The following YEATS2 variants were observed in gnomAD, a reference collection of about 807,000 sequenced individuals.
YEATS2 encodes the protein YEATS domain containing 2.
YEATS2 carries 77 observed loss-of-function variants against 163.2 expected under a neutral mutation model. That is an observed-to-expected ratio of 0.47 (90% confidence interval 0.39 to 0.57). YEATS2 has a LOEUF of 0.57. Ranked by LOEUF, YEATS2 falls within the 20% of genes least tolerant of loss-of-function variation. YEATS2 has a pLI of 0.00. For synonymous variants in YEATS2, 631 were observed against 645.1 expected, an observed-to-expected ratio of 0.98 and a Z score of 0.33; for missense variants, 1,549 against 1,729.8, an observed-to-expected ratio of 0.90 and a Z score of 1.85.
chr3:183,786,082 A>C lies in YEATS2; in HGVS notation c.2737-43A>C, dbSNP rs377738049. The C allele has an allele frequency of 9.2e-5, 147 of 1,594,250 alleles. No homozygotes were observed. In the African/African-American group the frequency reaches 1.8e-3, roughly 20 times the overall value. ...CAGTAAGGAATGAGTTATGTCTATTATCCAAGGCAACATGATTATTTCTGC... is the reference window on the plus strand; with the variant it reads ...CAGTAAGGAATGAGTTATGTCTATTCTCCAAGGCAACATGATTATTTCTGC... On this transcript the variant is annotated intron_variant, in intron 19 of 30. Transcript: ENST00000305135.
chr3:183,735,773 G>A (rs1718271081), intron 7 of YEATS2, among the ~76,000 whole-genome samples: 2 of 151,492 alleles, frequency 1.3e-5, no homozygotes, highest in Admixed American at 1.3e-4. Context: ...TGCTGCCTCC[G>A]CCCCCCGGGT....
rs1186912380 is a variant in YEATS2, at chr3:183,804,217, G to A, written c.3784+29G>A. On this transcript the variant is annotated intron_variant, in intron 27 of 30. Coordinates refer to ENST00000305135, the MANE Select transcript of YEATS2 (RefSeq NM_018023.5). ...AGCCTTCAGTGGCACTGCCCAGAGC[G>A]CCTGGCAGCCTGGAGGCATTTGCTG... The A allele has an allele frequency of 1.6e-5, 25 of 1,612,012 alleles. 1 individual carries two copies. Among genetic ancestry groups the A allele is most frequent in the Middle Eastern group, 1.7e-4 (1 of 5,916 alleles).
chr3:183,804,149 T>G lies in YEATS2; in HGVS notation c.3745T>G (p.Ser1249Ala), dbSNP rs368837439. 1 of 1,613,946 alleles carries G rather than the reference T, an allele frequency of 6.2e-7. No homozygotes were observed. The highest frequency in any genetic ancestry group is 8.5e-7 in the Non-Finnish European group (1 of 1,180,030). ...TGAGAGCCTGAGGAATGACGGGGAC[T>G]CCATCGAGGACGTGCTGACCCAGAT... Reference protein sequence around the residue: ...DPESLRNDGDSIEDVLTQIDS... With the variant: ...DPESLRNDGDAIEDVLTQIDS... Residue 1249 changes from serine (S) to alanine (A), a missense_variant, in exon 27 of 31, where the codon TCC becomes GCC. Ser to Ala is a moderately conservative substitution (Grantham distance 99). Transcript: ENST00000305135.
At chr3:183,808,148 C>A (rs1281021310) in intron 29 of YEATS2, 44 bp downstream of exon 29, 2 of 1,522,420 alleles carry the variant, frequency 1.3e-6, no homozygotes. Flanking sequence ...ATGGTTGCAT[C>A]CCAGGCGGTT....
intron 20 of YEATS2, 107 bp downstream of exon 20, chr3:183,786,408 C>A: frequency 2.7e-6 from 3 of 1,091,218 alleles, no homozygotes; most frequent in South Asian, 1.8e-5. Context: ...AAATACTCAA[C>A]TATTGCTTTT....
chr3:183,725,059 T>A (rs1423809568), intron 6 of YEATS2, among the ~76,000 whole-genome samples: 1 of 150,136 alleles, frequency 6.7e-6, no homozygotes, highest in African/African-American at 2.5e-5. Flanking sequence ...TTTTTTTTTT[T>A]TTTTTATCGT....
intron 1 of YEATS2, among the ~76,000 whole-genome samples, chr3:183,698,299 A>C (rs1363689830): frequency 2.0e-5 from 3 of 152,174 alleles, no homozygotes; most frequent in African/African-American, 7.2e-5. Flanking sequence ...TAGGATGTTA[A>C]GCTCTTGGCC....
intron 19 of YEATS2, among the ~76,000 whole-genome samples, chr3:183,780,199 A>G (rs1442595300): frequency 1.3e-5 from 2 of 152,066 alleles, no homozygotes; most frequent in Non-Finnish European, 2.9e-5. Flanking sequence ...TTTTCCAACT[A>G]CATATGTGGA....
Position 183,752,081 on chromosome 3 carries a change from T to C in YEATS2, c.978T>C (p.Asp326=). 1 of 1,614,128 alleles carries C rather than the reference T, an allele frequency of 6.2e-7. No homozygotes were observed. The highest frequency in any genetic ancestry group is 8.5e-7 in the Non-Finnish European group (1 of 1,180,020). ...LQTLGAETVV[D]VELHRHSLGE... Reference sequence around the variant, plus strand: ...GTTGCCCAATTGTCTAGGTAGTGGATGTTGAACTCCATCGCCATTCTCTCG... The same window carrying C: ...GTTGCCCAATTGTCTAGGTAGTGGACGTTGAACTCCATCGCCATTCTCTCG... Residue 326 remains aspartate (D), a synonymous_variant, in exon 10 of 31, where the codon GAT becomes GAC. Coordinates refer to ENST00000305135, the MANE Select transcript of YEATS2 (RefSeq NM_018023.5).
chr3:183,810,394 C>T, intron 30 of YEATS2, 81 bp from the exon 31 acceptor site: 1 of 1,305,210 alleles, frequency 7.7e-7, no homozygotes, highest in Non-Finnish European at 1.1e-6. Flanking sequence ...TGGGATGGTC[C>T]CTGTGATGAG....
Position 183,807,041 on chromosome 3 carries a change from C to T in YEATS2, c.3960C>T (p.Phe1320=). The part of the protein sequence containing the change: ...EQEEKQEEVK[F]YLPPTPGSEF... Reference sequence around the variant, plus strand: ...AAGAGAAACAAGAGGAAGTCAAGTTCTACCTGCCACCAACCCCAGGGTCTG... The same window carrying T: ...AAGAGAAACAAGAGGAAGTCAAGTTTTACCTGCCACCAACCCCAGGGTCTG... Residue 1320 remains phenylalanine (F), a synonymous_variant, in exon 28 of 31, where the codon TTC becomes TTT. Transcript: ENST00000305135. The T allele has an allele frequency of 1.2e-6, 2 of 1,614,094 alleles. No individual in the cohort carries two copies. The highest frequency in any genetic ancestry group is 1.6e-4 in the Middle Eastern group (1 of 6,062).
At chr3:183,809,001 G>A (rs1050424645) in intron 29 of YEATS2, 96 bp from the exon 30 acceptor site, 2 of 1,287,536 alleles carry the variant, frequency 1.6e-6, no homozygotes, top group Non-Finnish European at 2.2e-6. Flanking sequence ...AGTTGCAGTG[G>A]TTTCAAACAT....
chr3:183,722,918 C>T (rs1349231681), intron 5 of YEATS2, among the ~76,000 whole-genome samples: 1 of 152,210 alleles, frequency 6.6e-6, no homozygotes, highest in Non-Finnish European at 1.5e-5. Context: ...TCTCAAAGTG[C>T]TGGGATTACA....
At chr3:183,785,790 A>G (rs1419418730) in intron 19 of YEATS2, among the ~76,000 whole-genome samples, 2 of 152,224 alleles carry the variant, frequency 1.3e-5, no homozygotes, top group Non-Finnish European at 2.9e-5. Flanking sequence ...GTTGATTCTC[A>G]TGTTTAAAGA....
intron 15 of YEATS2, among the ~76,000 whole-genome samples, chr3:183,768,847 C>T (rs911138913): frequency 1.3e-5 from 2 of 152,034 alleles, no homozygotes; most frequent in Admixed American, 1.3e-4. Flanking sequence ...TGGCGTGTGC[C>T]CATAATCCCA....
At chr3:183,788,110 G>T (rs1418713110) in intron 20 of YEATS2, among the ~76,000 whole-genome samples, 1 of 152,030 alleles carries the variant, frequency 6.6e-6, no homozygotes, top group Non-Finnish European at 1.5e-5. Context: ...ATCGCATCAG[G>T]GTAATTGGGG....
chr3:183,756,551 C>A lies in YEATS2; in HGVS notation c.1414C>A (p.Pro472Thr). 1 of 1,588,856 alleles carries A rather than the reference C, an allele frequency of 6.3e-7. No homozygotes were observed. The change falls in exon 12 of 31, where the codon CCA becomes ACA. Residue 472 changes from proline to threonine, a missense_variant. Physicochemically the swap from Pro to Thr is conservative, Grantham distance 38 (BLOSUM62 -1). Transcript: ENST00000305135. ...VSGSPISTPS[P>T]SPLPRTPTST... The stretch of plus-strand genomic sequence containing the variant: ...AGGTTCCCCAATATCAACTCCAAGC[C>A]CATCACCATTGCCTCGAACCCCGAC...
chr3:183,752,480 C>T (rs960323760), intron 10 of YEATS2, among the ~76,000 whole-genome samples: 1 of 151,932 alleles, frequency 6.6e-6, no homozygotes, highest in South Asian at 2.1e-4. Context: ...GAGGCCAAGG[C>T]GGGTGGATCA....
Position 183,736,799 on chromosome 3 carries a change from C to T in YEATS2, c.894C>T (p.Asn298=). The T allele has an allele frequency of 6.2e-7, 1 of 1,613,902 alleles. No homozygotes were observed. Among genetic ancestry groups the T allele is most frequent in the Non-Finnish European group, 8.5e-7 (1 of 1,179,910 alleles). The part of the protein sequence containing the change: ...RVQVHFKDSQ[N]KRIDIIHNLK... ...AAGTTCATTTTAAGGACAGCCAGAA[C>T]AAGCGGATAGATATCATACATAATC... The change falls in exon 8 of 31, where the codon AAC becomes AAT. Residue 298 remains asparagine (N), a synonymous_variant. Transcript: ENST00000305135.
Sources: allele counts gnomAD v4.1 joint callset (sites outside exome capture counted in the v4.1 genomes callset), GRCh38; gene constraint gnomAD v4.1.1; transcripts MANE v1.5; gene names NCBI Gene and HGNC (gene_info 2026-07-23, HGNC 2026-07-21).